MALRD1: variants seen among roughly 807,000 people sequenced by gnomAD.
MALRD1 encodes the protein MAM and LDL receptor class A domain containing 1, also known as MAM and LDL-receptor class A domain-containing protein 1.
Under a neutral mutation model 242.1 loss-of-function variants are expected in MALRD1, and 247 were observed. The observed-to-expected ratio is 1.02, with a 90% CI of 0.92 to 1.13. The LOEUF is 1.13. Ranked by LOEUF, MALRD1 falls within the 50% of genes most tolerant of loss-of-function variation. MALRD1 has a pLI of 0.00. For missense variants in MALRD1, 2,989 were observed against 2,533.1 expected (o/e 1.18, Z -3.86); for synonymous variants, 995 against 866.6 (o/e 1.15, Z -2.60).
rs1215782771 is a variant in MALRD1, at chr10:19,734,231, C to G, written c.6465C>G (p.Leu2155=). ...SGSLETLSHH[L]K ...GCCTGGAGACCCTGTCACATCATCT[C>G]AAATAGCAGCATCGAGACCAAGTCT... Residue 2155 remains leucine (L), a synonymous_variant, in exon 40 of 40, where the codon CTC becomes CTG. Coordinates refer to ENST00000454679, the MANE Select transcript of MALRD1 (RefSeq NM_001142308.3). 1 of 1,535,212 alleles carries G rather than the reference C, an allele frequency of 6.5e-7. No homozygotes were observed.
At chr10:19,272,485 A>G (rs1031498996) in intron 19 of MALRD1, among the ~76,000 whole-genome samples, 1 of 152,176 alleles carries the variant, frequency 6.6e-6, no homozygotes, top group African/African-American at 2.4e-5. Flanking sequence ...CTTTAAAAGT[A>G]TTTAAAAATA....
chr10:19,257,981 CT>C (rs1298473300), intron 19 of MALRD1, among the ~76,000 whole-genome samples: 1 of 152,020 alleles, frequency 6.6e-6, no homozygotes, highest in East Asian at 1.9e-4. Flanking sequence ...GTTTGAATCA[CT>C]TATGTCTATG....
chr10:19,116,155 T>C (rs533796064), intron 5 of MALRD1, among the ~76,000 whole-genome samples: 1 of 152,338 alleles, frequency 6.6e-6, no homozygotes, highest in South Asian at 2.1e-4. Context: ...AGCCTTGCTA[T>C]TGTGATTAAA....
At chr10:19,506,091 G>A (rs1453423745) in intron 31 of MALRD1, among the ~76,000 whole-genome samples, 3 of 152,198 alleles carry the variant, frequency 2.0e-5, no homozygotes, top group Non-Finnish European at 4.4e-5. Context: ...TGCCCTATGG[G>A]GAAGTGTATT....
chr10:19,689,162 T>A (rs1358986795), intron 36 of MALRD1, among the ~76,000 whole-genome samples: 2 of 152,086 alleles, frequency 1.3e-5, no homozygotes, highest in Non-Finnish European at 2.9e-5. Flanking sequence ...GAGAGAAAAA[T>A]CTAGGTGCAG....
intron 36 of MALRD1, among the ~76,000 whole-genome samples, chr10:19,680,798 T>G (rs190122745): frequency 8.5e-5 from 13 of 152,270 alleles, no homozygotes; most frequent in African/African-American, 3.1e-4. Flanking sequence ...CCATATTTAG[T>G]TCTTCCTTCA....
chr10:19,125,939 T>C (rs2131387343), intron 7 of MALRD1, among the ~76,000 whole-genome samples: 1 of 152,278 alleles, frequency 6.6e-6, no homozygotes, highest in South Asian at 2.1e-4. Context: ...TCAATTTTTC[T>C]TTTATTTAGA....
In MALRD1 at chr10:19,312,716, A is replaced by G. The variant is rs1305638675; in HGVS notation, c.3420-11233A>G. Among the ~76,000 whole-genome samples, 5 of 151,330 alleles carry G rather than the reference A, an allele frequency of 3.3e-5. No individual in the cohort carries two copies. The South Asian group carries it at 8.3e-4, about 25-fold the overall frequency. On this transcript the variant is annotated intron_variant, in intron 21 of 39. Transcript: ENST00000454679. ...CTACCACCCCATCAACTACTTCTACACTGCTTTCCTCCTATAGACTCTTAG... is the reference window on the plus strand; with the variant it reads ...CTACCACCCCATCAACTACTTCTACGCTGCTTTCCTCCTATAGACTCTTAG...
At chr10:19,269,777 G>T (rs1840127485) in intron 19 of MALRD1, among the ~76,000 whole-genome samples, 1 of 152,176 alleles carries the variant, frequency 6.6e-6, no homozygotes, top group Non-Finnish European at 1.5e-5. Context: ...CCTCATTCTG[G>T]TGGAGTAATA....
intron 39 of MALRD1, among the ~76,000 whole-genome samples, chr10:19,733,489 A>G (rs551043487): frequency 4.6e-5 from 7 of 152,010 alleles, no homozygotes; most frequent in African/African-American, 9.6e-5. Context: ...TCCTACCCCA[A>G]TTGTCTCATT....
At chr10:19,527,665 A>G (rs1834166081) in intron 31 of MALRD1, among the ~76,000 whole-genome samples, 1 of 152,212 alleles carries the variant, frequency 6.6e-6, no homozygotes, top group Non-Finnish European at 1.5e-5. Flanking sequence ...TAACTTATAC[A>G]AACATATTAG....
chr10:19,638,249 T>C (rs1840234869), intron 36 of MALRD1, among the ~76,000 whole-genome samples: 1 of 151,966 alleles, frequency 6.6e-6, no homozygotes, highest in South Asian at 2.1e-4. Context: ...CAAAGGCTAC[T>C]TTTTTTCCCT....
At chr10:19,169,279 A>G (rs1418166675) in intron 13 of MALRD1, among the ~76,000 whole-genome samples, 1 of 152,184 alleles carries the variant, frequency 6.6e-6, no homozygotes, top group Non-Finnish European at 1.5e-5. Context: ...AAGACTTTAG[A>G]TAAGGAACTG....
In MALRD1 at chr10:19,159,206, A is replaced by T. The variant is rs978366817; in HGVS notation, c.1656+4034A>T. Among the ~76,000 whole-genome samples, 3 of 152,134 alleles carry T rather than the reference A, an allele frequency of 2.0e-5. 1 individual carries two copies. Among genetic ancestry groups the T allele is most frequent in the Non-Finnish European group, 4.4e-5 (3 of 68,010 alleles). On this transcript the variant is annotated intron_variant, in intron 12 of 39. Coordinates refer to ENST00000454679, the MANE Select transcript of MALRD1 (RefSeq NM_001142308.3). ...CTGACTAGGAGCCATAAAAATCACT[A>T]TGGTAATGGTGAGGGATGTGTGTGT...
intron 32 of MALRD1, among the ~76,000 whole-genome samples, chr10:19,553,928 C>T (rs151319500): frequency 1.2e-3 from 182 of 152,238 alleles, no homozygotes; most frequent in African/African-American, 3.9e-3. Context: ...CTTAACTTTC[C>T]CATTCTTTCA....
At chr10:19,538,312 A>G (rs963108743) in intron 32 of MALRD1, among the ~76,000 whole-genome samples, 4 of 152,216 alleles carry the variant, frequency 2.6e-5, no homozygotes, top group South Asian at 4.1e-4. Flanking sequence ...ATGGGCATCA[A>G]TATCCTTCAA....
At chr10:19,250,698 G>A (rs1363387958) in intron 18 of MALRD1, among the ~76,000 whole-genome samples, 8 of 151,694 alleles carry the variant, frequency 5.3e-5, no homozygotes, top group Non-Finnish European at 8.8e-5. Context: ...TTTAAAAACC[G>A]CAAAAAGCAA....
intron 28 of MALRD1, among the ~76,000 whole-genome samples, chr10:19,437,850 A>G (rs1182123014): frequency 1.3e-5 from 2 of 152,046 alleles, no homozygotes; most frequent in Non-Finnish European, 2.9e-5. Context: ...TCTCAATTCT[A>G]TTATTCATTT....
intron 8 of MALRD1, among the ~76,000 whole-genome samples, chr10:19,131,844 A>G (rs1180167968): frequency 1.3e-5 from 2 of 152,226 alleles, no homozygotes; most frequent in Admixed American, 1.3e-4. Flanking sequence ...ATAAAAGTAG[A>G]ACATCACTTG....
Sources: gnomAD v4.1 joint callset for allele counts (sites outside exome capture counted in the v4.1 genomes callset) on GRCh38, gnomAD v4.1.1 for gene constraint, MANE v1.5 for transcripts, NCBI Gene and HGNC (gene_info 2026-07-23, HGNC 2026-07-21) for gene names.